The following TCF3 variants were observed in gnomAD, a reference collection of about 807,000 sequenced individuals.
The protein encoded by TCF3 is transcription factor 3, also known as transcription factor E2-alpha.
Under a neutral mutation model 72.3 loss-of-function variants are expected in TCF3, and 54 were observed. That is an observed-to-expected ratio of 0.75 (90% CI 0.60 to 0.94). TCF3 has a LOEUF of 0.94. Ranked by LOEUF, TCF3 falls within the 40% of genes least tolerant of loss-of-function variation. The probability of loss-of-function intolerance (pLI) is 0.00; values close to 1 mark genes in which losing one functional copy is unlikely to be tolerated. For synonymous variants in TCF3, 525 were observed against 412.6 expected (o/e 1.27, Z -3.30); for missense variants, 1,078 against 934.4 (o/e 1.15, Z -2.00).
At chr19:1,623,465 C>T (rs968163827) in intron 8 of TCF3, among the ~76,000 whole-genome samples, 4 of 149,556 alleles carry the variant, frequency 2.7e-5, no homozygotes, top group Admixed American at 1.3e-4. Flanking sequence ...CTCACTGCAA[C>T]CTCCGCCTCC....
intron 5 of TCF3, among the ~76,000 whole-genome samples, chr19:1,630,003 T>C (rs2063504768): frequency 6.6e-6 from 1 of 152,148 alleles, no homozygotes; most frequent in Non-Finnish European, 1.5e-5. Flanking sequence ...ACTGAGGTTA[T>C]GGCAAAAGCC....
chr19:1,631,845 G>T (rs1377088997), intron 5 of TCF3, 193 bp downstream of exon 5: 2 of 1,432,106 alleles, frequency 1.4e-6, no homozygotes, highest in Non-Finnish European at 1.9e-6. Flanking sequence ...GCAGAGTGCC[G>T]TGCCAGGGAG....
chr19:1,641,803 G>C (rs767479779), intron 3 of TCF3, among the ~76,000 whole-genome samples: 1 of 151,962 alleles, frequency 6.6e-6, no homozygotes, highest in Admixed American at 6.6e-5. Context: ...ATGTTGCCCA[G>C]GCTGGTCTTG....
chr19:1,646,283 G>T (rs1419841401), intron 3 of TCF3, 72 bp downstream of exon 3: 4 of 1,457,534 alleles, frequency 2.7e-6, no homozygotes, highest in African/African-American at 2.8e-5. Context: ...AGCCTCCCTC[G>T]CCCGCACACT....
chr19:1,627,536 G>A (rs1248859501), intron 5 of TCF3, 110 bp from the exon 6 acceptor site: 1 of 973,418 alleles, frequency 1.0e-6, no homozygotes, highest in Non-Finnish European at 1.6e-6. Flanking sequence ...GCACACGACT[G>A]AGAGCGCCAC....
intron 5 of TCF3, 70 bp from the exon 6 acceptor site, chr19:1,627,496 C>A: frequency 1.4e-6 from 2 of 1,425,134 alleles, no homozygotes; most frequent in Non-Finnish European, 2.0e-6. Flanking sequence ...CGAGTGCCTG[C>A]CATGTGCCTA....
chr19:1,624,931 G>A (rs906927766), intron 7 of TCF3, among the ~76,000 whole-genome samples: 4 of 152,204 alleles, frequency 2.6e-5, no homozygotes, highest in South Asian at 2.1e-4. Context: ...TTGCAGCCTC[G>A]AACTCCCAGG....
intron 5 of TCF3, among the ~76,000 whole-genome samples, chr19:1,629,959 G>A (rs1002924479): frequency 5.3e-5 from 8 of 152,054 alleles, no homozygotes; most frequent in African/African-American, 1.7e-4. Context: ...TCACTCGCCC[G>A]GCTCCTCGGG....
intron 10 of TCF3, 32 bp from the exon 11 acceptor site, chr19:1,622,002 G>A: frequency 1.3e-6 from 2 of 1,599,574 alleles, no homozygotes; most frequent in Non-Finnish European, 1.7e-6. Context: ...GGGTGGGTTA[G>A]ATGGGCACTG....
chr19:1,612,133 G>A (rs769817351), intron 18 of TCF3: 32 of 1,441,262 alleles, frequency 2.2e-5, no homozygotes, highest in Non-Finnish European at 3.0e-5. Context: ...GGCAAGCACA[G>A]GAGGACCCCA....
At position 1,622,047 on chromosome 19, in the gene TCF3, G is replaced by T; in HGVS notation, c.822+7C>A. The T allele has an allele frequency of 6.2e-7, 1 of 1,601,940 alleles. No individual in the cohort carries two copies. The stretch of plus-strand genomic sequence containing the variant: ...GCCCACCCCCTGCCCCCTGCCCTGG[G>T]TCCTACCATACGCTCGTGCTGGTGC... On this transcript the variant is annotated splice_region_variant and intron_variant, in intron 10 of 18. Transcript: ENST00000262965.
chr19:1,634,906 C>T (rs1358720344), intron 3 of TCF3, among the ~76,000 whole-genome samples: 1 of 152,200 alleles, frequency 6.6e-6, no homozygotes, highest in African/African-American at 2.4e-5. Context: ...CCAATAGAGA[C>T]CATCTGTCCT....
intron 5 of TCF3, 194 bp downstream of exon 5, chr19:1,631,844 C>T (rs781405225): frequency 1.1e-4 from 153 of 1,420,154 alleles, no homozygotes; most frequent in Non-Finnish European, 1.3e-4. Flanking sequence ...TGCAGAGTGC[C>T]GTGCCAGGGA....
chr19:1,639,067 A>ATATC (rs1491120948), intron 3 of TCF3, among the ~76,000 whole-genome samples: 1 of 152,122 alleles, frequency 6.6e-6, no homozygotes, highest in Non-Finnish European at 1.5e-5. Flanking sequence ...TTTCTGAGAC[A>ATATC]GAGTCTCGCT....
In TCF3 at chr19:1,621,980, C is replaced by T. The variant is rs1469863896; in HGVS notation, c.823-10G>A. The T allele has an allele frequency of 6.2e-7, 1 of 1,603,284 alleles. No individual in the cohort carries two copies. On this transcript the variant is annotated splice_polypyrimidine_tract_variant and intron_variant, in intron 10 of 18. Coordinates refer to ENST00000262965, the MANE Select transcript of TCF3 (RefSeq NM_003200.5). Reference sequence around the variant, plus strand: ...CATGCAGCTGGTAGCCCTGGGGGGTCAGGCAGGAGGAGGGTGGGTTAGATG... The same window carrying T: ...CATGCAGCTGGTAGCCCTGGGGGGTTAGGCAGGAGGAGGGTGGGTTAGATG...
intron 18 of TCF3, among the ~76,000 whole-genome samples, chr19:1,613,848 A>G (rs10408287): frequency 0.015 from 2,313 of 152,292 alleles, 61 homozygotes; most frequent in African/African-American, 0.052. Flanking sequence ...CAGGAACCCC[A>G]TTGTCACTGC....
chr19:1,636,504 G>A (rs2064429919), intron 3 of TCF3, among the ~76,000 whole-genome samples: 1 of 152,100 alleles, frequency 6.6e-6, no homozygotes, highest in African/African-American at 2.4e-5. Flanking sequence ...TCACTACATT[G>A]CCCAGGCTGG....
At chr19:1,642,836 C>A (rs1461973478) in intron 3 of TCF3, among the ~76,000 whole-genome samples, 1 of 152,206 alleles carries the variant, frequency 6.6e-6, no homozygotes, top group South Asian at 2.1e-4. Context: ...CAGACACGCA[C>A]CCGGAGGAAA....
intron 13 of TCF3, among the ~76,000 whole-genome samples, chr19:1,620,414 C>T (rs918085767): frequency 2.0e-5 from 3 of 152,202 alleles, no homozygotes; most frequent in East Asian, 1.9e-4. Flanking sequence ...GGTCTGCCCT[C>T]CCATGCCGGA....
Sources: allele counts gnomAD v4.1 joint callset (sites outside exome capture counted in the v4.1 genomes callset), GRCh38; gene constraint gnomAD v4.1.1; transcripts MANE v1.5; gene names NCBI Gene and HGNC (gene_info 2026-07-23, HGNC 2026-07-21).